Variants in TNIK observed in about 807,000 individuals in gnomAD.
TNIK encodes the protein TRAF2 and NCK-interacting protein kinase.
In TNIK, 49 loss-of-function variants were observed where a neutral mutation model predicts 191.3. The observed-to-expected ratio is 0.26, with a 90% CI of 0.20 to 0.32. TNIK has a LOEUF of 0.32. TNIK is among the 10% of genes least tolerant of loss of function. TNIK has a pLI of 1.00. For synonymous variants in TNIK, 594 were observed against 600.9 expected (o/e 0.99, Z 0.17); for missense variants, 1,155 against 1,702.3 (o/e 0.68, Z 5.66).
chr3:171,388,192 C>T (rs151165283), intron 1 of TNIK, among the ~76,000 whole-genome samples: 6 of 152,320 alleles, frequency 3.9e-5, no homozygotes, highest in Admixed American at 2.0e-4. Context: ...CTGCCCTCAG[C>T]TTCCAGTTCT....
intron 1 of TNIK, among the ~76,000 whole-genome samples, chr3:171,397,551 C>T (rs928425251): frequency 6.6e-6 from 1 of 152,148 alleles, no homozygotes; most frequent in Non-Finnish European, 1.5e-5. Flanking sequence ...ACTCCACATT[C>T]CCCTCATCTT....
chr3:171,373,118 G>T (rs1304818139), intron 1 of TNIK, among the ~76,000 whole-genome samples: 1 of 152,158 alleles, frequency 6.6e-6, no homozygotes, highest in African/African-American at 2.4e-5. Context: ...TTGTGATACA[G>T]CTTGAACAGT....
intron 2 of TNIK, among the ~76,000 whole-genome samples, chr3:171,339,226 ACT>A (rs1757277794): frequency 2.0e-5 from 3 of 152,174 alleles, no homozygotes; most frequent in African/African-American, 7.2e-5. Context: ...GCAAATCTTC[ACT>A]GTTTGGACTA....
intron 1 of TNIK, among the ~76,000 whole-genome samples, chr3:171,440,333 TC>T (rs777731295): frequency 3.6e-4 from 55 of 152,316 alleles, no homozygotes; most frequent in Non-Finnish European, 6.9e-4. Context: ...TAATTTTTTT[TC>T]AAAATCTGAT....
At chr3:171,235,582 A>C (rs1395278618) in intron 2 of TNIK, among the ~76,000 whole-genome samples, 1 of 152,148 alleles carries the variant, frequency 6.6e-6, no homozygotes, top group Non-Finnish European at 1.5e-5. Flanking sequence ...GTTTACATAC[A>C]ACTCCAGTAA....
At chr3:171,165,647 T>C (rs1414477355) in intron 10 of TNIK, among the ~76,000 whole-genome samples, 1 of 152,138 alleles carries the variant, frequency 6.6e-6, no homozygotes, top group East Asian at 1.9e-4. Context: ...TGGGCTACCC[T>C]CCGCTACTGC....
chr3:171,275,875 C>A (rs116504698), intron 2 of TNIK, among the ~76,000 whole-genome samples: 8,998 of 151,240 alleles, frequency 0.059, 304 homozygotes, highest in Middle Eastern at 0.12. Context: ...CCAAGCTGGG[C>A]GACAGAGCGC....
rs750992855 is a variant in TNIK, at chr3:171,366,948, A to G, written c.123+2672T>C. 6.6e-6 allele frequency among the ~76,000 whole-genome samples: 1 copy of G among 152,172 alleles called. No homozygotes were observed. The highest frequency in any genetic ancestry group is 1.5e-5 in the Non-Finnish European group (1 of 68,020). On this transcript the variant is annotated intron_variant, in intron 2 of 32. Transcript: ENST00000436636. This position sits in a 1 kb window ranked among gnomAD's most constrained non-coding sequence, Gnocchi z 4.1. The stretch of plus-strand genomic sequence containing the variant: ...TTCTCTCTCCTGCCACCCTGTGAAG[A>G]GGTGGCTTCTGCCATGATCGTAAAT...
chr3:171,363,744 T>G (rs1233924835), intron 2 of TNIK, among the ~76,000 whole-genome samples: 2 of 152,230 alleles, frequency 1.3e-5, no homozygotes, highest in Non-Finnish European at 2.9e-5. Context: ...ATATACAGAT[T>G]TGAGAAAATC....
At chr3:171,113,011 T>A (rs191525455) in intron 18 of TNIK, among the ~76,000 whole-genome samples, 7 of 152,302 alleles carry the variant, frequency 4.6e-5, no homozygotes, top group African/African-American at 1.7e-4. Flanking sequence ...TATGAGTGTA[T>A]AAAGGTATGA....
At chr3:171,303,826 A>G (rs1184036612) in intron 2 of TNIK, among the ~76,000 whole-genome samples, 2 of 152,162 alleles carry the variant, frequency 1.3e-5, no homozygotes, top group Admixed American at 6.6e-5. Flanking sequence ...GTTAAGAAAA[A>G]TATCATTGCT....
At chr3:171,208,119 C>T (rs560033102) in intron 4 of TNIK, among the ~76,000 whole-genome samples, 1 of 152,210 alleles carries the variant, frequency 6.6e-6, no homozygotes, top group East Asian at 1.9e-4. Flanking sequence ...TTGCTTGAGA[C>T]TGGGAGTTTG....
chr3:171,132,042 G>A (rs1729378425), intron 15 of TNIK, among the ~76,000 whole-genome samples: 1 of 152,182 alleles, frequency 6.6e-6, no homozygotes, highest in Non-Finnish European at 1.5e-5. Context: ...AACAAGATAT[G>A]TTTCAATGCC....
At chr3:171,116,872 C>T (rs1576867131) in intron 18 of TNIK, among the ~76,000 whole-genome samples, 1 of 152,216 alleles carries the variant, frequency 6.6e-6, no homozygotes, top group Non-Finnish European at 1.5e-5. Flanking sequence ...ATCACCTTCA[C>T]AGCATGAGGC....
intron 2 of TNIK, among the ~76,000 whole-genome samples, chr3:171,264,302 A>G (rs1748106653): frequency 6.6e-6 from 1 of 151,676 alleles, no homozygotes; most frequent in African/African-American, 2.4e-5. Flanking sequence ...CATTGCATAT[A>G]GACATTGCGT....
At chr3:171,313,975 C>T (rs776758518) in intron 2 of TNIK, among the ~76,000 whole-genome samples, 1 of 152,140 alleles carries the variant, frequency 6.6e-6, no homozygotes, top group Non-Finnish European at 1.5e-5. Flanking sequence ...AACACACAGG[C>T]AGGAAGGAAG....
intron 25 of TNIK, 93 bp from the exon 26 acceptor site, chr3:171,084,418 T>C: frequency 1.4e-6 from 2 of 1,435,224 alleles, no homozygotes; most frequent in South Asian, 2.8e-5. Flanking sequence ...CCTTGTTTGG[T>C]TTGAATTATA....
intron 15 of TNIK, among the ~76,000 whole-genome samples, chr3:171,135,486 C>G (rs1729857949): frequency 6.6e-6 from 1 of 152,236 alleles, no homozygotes; most frequent in Admixed American, 6.5e-5. Context: ...AATGTTTCAT[C>G]TTTCTTCTAA....
chr3:171,364,144 C>T (rs1481770835), intron 2 of TNIK, among the ~76,000 whole-genome samples: 1 of 152,154 alleles, frequency 6.6e-6, no homozygotes, highest in Non-Finnish European at 1.5e-5. Flanking sequence ...GAGGATACCC[C>T]AGACCCACTG....
Sources: gnomAD v4.1 joint callset for allele counts (sites outside exome capture counted in the v4.1 genomes callset) on GRCh38, gnomAD v4.1.1 for gene constraint, Gnocchi (gnomAD v3.1) non-coding constraint, MANE v1.5 for transcripts, NCBI Gene and HGNC (gene_info 2026-07-23, HGNC 2026-07-21) for gene names.